Variants in TMEM117 observed in about 807,000 individuals in gnomAD.
The protein encoded by TMEM117 is transmembrane protein 117.
TMEM117 carries 27 observed loss-of-function variants against 52.4 expected under a neutral mutation model. The ratio of observed to expected loss-of-function variants is 0.51; its 90% confidence interval spans 0.38 to 0.71. The LOEUF (loss-of-function observed/expected upper bound fraction) is 0.71, where lower values mean the gene tolerates loss of function less well. TMEM117 is among the 30% of genes least tolerant of loss of function. The pLI is 0.00. For missense variants in TMEM117, 556 were observed against 630.5 expected (o/e 0.88, Z 1.26); for synonymous variants, 215 against 206.3 (o/e 1.04, Z -0.36).
In TMEM117 at chr12:44,189,301, A is replaced by T. The variant is rs12314835; in HGVS notation, c.511-21989A>T. On this transcript the variant is annotated intron_variant, in intron 4 of 7. Transcript: ENST00000266534. ...ATTTCAACTATATATGTTTGCTAAGAATCTTTCTTTTAATCCAGTGTTACT... is the reference window on the plus strand; with the variant it reads ...ATTTCAACTATATATGTTTGCTAAGTATCTTTCTTTTAATCCAGTGTTACT... 8.9e-3 allele frequency among the ~76,000 whole-genome samples: 1,359 copies of T among 152,296 alleles called. 25 individuals carry two copies. Among genetic ancestry groups the T allele is most frequent in the African/African-American group, 0.03 (1,266 of 41,574 alleles).
At chr12:43,834,934 C>G (rs1943006015), upstream of TMEM117, among the ~76,000 whole-genome samples, 1 of 152,160 alleles carries the variant, frequency 6.6e-6, no homozygotes, top group African/African-American at 2.4e-5. Flanking sequence ...TCTTAAAATC[C>G]GCGGACATCT....
At position 43,922,769 on chromosome 12, in the gene TMEM117, G is replaced by A. The variant is rs543285921; in HGVS notation, c.278-21441G>A. Among the ~76,000 whole-genome samples, 4 of 152,268 alleles carry A rather than the reference G, an allele frequency of 2.6e-5. No homozygotes were observed. In the East Asian group the frequency reaches 5.8e-4, roughly 22 times the overall value. ...TGGGGTGGTTGTCTTTGATCATTTT[G>A]TAGACTATTTGTTTCTTCTCACCAC... is the stretch of plus-strand genomic sequence containing the variant. On this transcript the variant is annotated intron_variant, in intron 2 of 7. Transcript: ENST00000266534.
At chr12:43,941,068 G>A (rs1346085191) in intron 2 of TMEM117, among the ~76,000 whole-genome samples, 1 of 152,006 alleles carries the variant, frequency 6.6e-6, no homozygotes, top group Non-Finnish European at 1.5e-5. Flanking sequence ...ATTGTTCTAA[G>A]CTGTATTTTC....
chr12:43,848,197 G>A (rs184520029), intron 2 of TMEM117, among the ~76,000 whole-genome samples: 113 of 152,278 alleles, frequency 7.4e-4, no homozygotes, highest in Non-Finnish European at 2.5e-4. Context: ...AAGGGTCTAT[G>A]TTCAGCAGTG....
At chr12:43,808,897 G>A in the TMEM117 span, among the ~76,000 whole-genome samples, 1 of 151,624 alleles carries the variant, frequency 6.6e-6, no homozygotes, top group African/African-American at 2.4e-5. Context: ...TCAAGCGCAA[G>A]GTGACCAATC....
chr12:43,868,494 G>A (rs2137420554), intron 2 of TMEM117, among the ~76,000 whole-genome samples: 1 of 151,974 alleles, frequency 6.6e-6, no homozygotes, highest in South Asian at 2.1e-4. Flanking sequence ...GGAGGTTGCA[G>A]TGAGCTGAGA....
chr12:44,281,046 G>A (rs950740437), intron 5 of TMEM117, among the ~76,000 whole-genome samples: 4 of 152,084 alleles, frequency 2.6e-5, no homozygotes, highest in African/African-American at 9.7e-5. Context: ...AAATAAGTCA[G>A]CATCTTCACA....
intron 4 of TMEM117, among the ~76,000 whole-genome samples, chr12:44,203,730 TGTTTAA>T (rs1949528102): frequency 6.6e-6 from 1 of 152,208 alleles, no homozygotes; most frequent in Non-Finnish European, 1.5e-5. Context: ...AGGAGCAGAT[TGTTTAA>T]GTTTCATTTA....
At chr12:43,813,231 G>GTTTTTTCTTTTTTTTTTTTTTTT in the TMEM117 span, among the ~76,000 whole-genome samples, 1 of 62,618 alleles carries the variant, frequency 1.6e-5, no homozygotes, top group Non-Finnish European at 3.2e-5. Context: ...GTTTTCTCTT[G>GTTTTTTCTTTTTTTTTTTTTTTT]TTTTTTTTTT....
intron 6 of TMEM117, among the ~76,000 whole-genome samples, chr12:44,329,500 T>C (rs1415134623): frequency 6.6e-6 from 1 of 152,166 alleles, no homozygotes; most frequent in Non-Finnish European, 1.5e-5. Context: ...CCTGTTGTGA[T>C]AGTGTTGACA....
chr12:44,360,172 A>G (rs1202745526), intron 6 of TMEM117, among the ~76,000 whole-genome samples: 1 of 152,150 alleles, frequency 6.6e-6, no homozygotes, highest in Non-Finnish European at 1.5e-5. Flanking sequence ...AGTAAATATA[A>G]TTGTAAATTT....
intron 3 of TMEM117, among the ~76,000 whole-genome samples, chr12:44,080,006 A>G (rs1340585552): frequency 1.5e-5 from 2 of 136,630 alleles, no homozygotes; most frequent in Non-Finnish European, 3.1e-5. Flanking sequence ...CGACAGAGTA[A>G]CTCCATCTCA....
intron 2 of TMEM117, among the ~76,000 whole-genome samples, chr12:43,911,886 T>A (rs1046451250): frequency 1.3e-5 from 2 of 149,640 alleles, no homozygotes; most frequent in African/African-American, 4.9e-5. Context: ...GGAACACTTT[T>A]ACACTGTTGG....
At chr12:43,818,178 A>C in the TMEM117 span, among the ~76,000 whole-genome samples, 1 of 152,208 alleles carries the variant, frequency 6.6e-6, no homozygotes, top group Non-Finnish European at 1.5e-5. Flanking sequence ...AAACAAAGTT[A>C]TACAAATACA....
intron 3 of TMEM117, among the ~76,000 whole-genome samples, chr12:44,098,760 T>C (rs117510110): frequency 1.3e-5 from 2 of 152,242 alleles, no homozygotes; most frequent in East Asian, 3.9e-4. Flanking sequence ...TAACTGTTCT[T>C]GTTTTGCCTT....
intron 3 of TMEM117, among the ~76,000 whole-genome samples, chr12:44,004,954 A>G (rs1446192675): frequency 1.3e-5 from 2 of 152,196 alleles, no homozygotes; most frequent in Non-Finnish European, 2.9e-5. Flanking sequence ...AATGTGGGAA[A>G]ACTCATTAAT....
intron 3 of TMEM117, among the ~76,000 whole-genome samples, chr12:44,076,369 C>CATAT (rs1248802254): frequency 6.6e-6 from 1 of 152,090 alleles, no homozygotes; most frequent in Non-Finnish European, 1.5e-5. Flanking sequence ...ATTTCAATGA[C>CATAT]ATATATAGCA....
intron 2 of TMEM117, among the ~76,000 whole-genome samples, chr12:43,937,514 A>G (rs1434222638): frequency 6.6e-6 from 1 of 152,128 alleles, no homozygotes; most frequent in Non-Finnish European, 1.5e-5. Context: ...GGGTATACAG[A>G]AATGTATGTG....
intron 6 of TMEM117, among the ~76,000 whole-genome samples, chr12:44,358,535 C>T (rs908752825): frequency 1.3e-5 from 2 of 152,084 alleles, no homozygotes; most frequent in Non-Finnish European, 2.9e-5. Flanking sequence ...TCCCTCATGT[C>T]ACCTGATAAT....
Sources: gnomAD v4.1 joint callset for allele counts (sites outside exome capture counted in the v4.1 genomes callset) on GRCh38, gnomAD v4.1.1 for gene constraint, MANE v1.5 for transcripts, NCBI Gene and HGNC (gene_info 2026-07-23, HGNC 2026-07-21) for gene names.